PDE8B: variants seen among roughly 807,000 people sequenced by gnomAD.
PDE8B encodes the protein phosphodiesterase 8B.
PDE8B carries 26 observed loss-of-function variants against 101.3 expected under a neutral mutation model. The ratio of observed to expected loss-of-function variants is 0.26; its 90% CI spans 0.19 to 0.36. PDE8B has a LOEUF of 0.36. PDE8B is among the 10% of genes least tolerant of loss of function. The probability of loss-of-function intolerance (pLI) is 1.00; values close to 1 mark genes in which losing one functional copy is unlikely to be tolerated. For missense variants in PDE8B, 810 were observed against 1,163.1 expected (o/e 0.70, Z 4.42); for synonymous variants, 424 against 429.3 (o/e 0.99, Z 0.15).
intron 1 of PDE8B, among the ~76,000 whole-genome samples, chr5:77,233,654 C>CTGTGTGTGTGTGTGTG (rs72346580): frequency 2.7e-4 from 37 of 138,338 alleles, no homozygotes; most frequent in African/African-American, 8.9e-4. Context: ...CCCTGAAGCT[C>CTGTGTGTGTGTGTGTG]TGTGTGTGTG....
the PDE8B span, among the ~76,000 whole-genome samples, chr5:77,124,362 G>T: frequency 1.3e-5 from 2 of 152,124 alleles, no homozygotes; most frequent in Non-Finnish European, 2.9e-5. Context: ...GGCTGAGGCG[G>T]GTGGATTGCT....
chr5:77,137,093 A>G, the PDE8B span, among the ~76,000 whole-genome samples: 1 of 152,192 alleles, frequency 6.6e-6, no homozygotes, highest in Non-Finnish European at 1.5e-5. Flanking sequence ...CTAAGGCCAG[A>G]GTCCTCTAGT....
the PDE8B span, among the ~76,000 whole-genome samples, chr5:77,094,709 A>T: frequency 1.1e-3 from 165 of 152,312 alleles, 1 homozygote; most frequent in African/African-American, 3.8e-3. Context: ...TGGTGTCAGC[A>T]TCTGCTTCTG....
chr5:77,402,286 C>G (rs1792448460), intron 11 of PDE8B, among the ~76,000 whole-genome samples: 1 of 151,248 alleles, frequency 6.6e-6, no homozygotes, highest in Non-Finnish European at 1.5e-5. Context: ...AACTTATATG[C>G]AAGGATAGGT....
At chr5:77,165,208 C>A in the PDE8B span, among the ~76,000 whole-genome samples, 4 of 152,054 alleles carry the variant, frequency 2.6e-5, no homozygotes, top group Non-Finnish European at 4.4e-5. Flanking sequence ...TAAGAGAAAG[C>A]GTAATAAAAT....
intron 10 of PDE8B, among the ~76,000 whole-genome samples, chr5:77,360,877 C>G (rs1186288498): frequency 6.6e-6 from 1 of 152,182 alleles, no homozygotes; most frequent in Non-Finnish European, 1.5e-5. Context: ...TACAGAGCCT[C>G]ATGACCACTC....
rs113402084 is a variant in PDE8B at position 77,240,708 on chromosome 5, C to A, written c.339+29444C>A. 3.8e-3 allele frequency among the ~76,000 whole-genome samples: 576 copies of A among 152,260 alleles called. 2 individuals carry two copies. The highest frequency in any genetic ancestry group is 0.013 in the African/African-American group (547 of 41,548). On this transcript the variant is annotated intron_variant, in intron 1 of 21. Transcript: ENST00000264917. ...CACATTCAAATTGAAATTAACTAAG[C>A]TGACAATTATTCAGTACCCATTTTA...
intron 1 of PDE8B, among the ~76,000 whole-genome samples, chr5:77,234,522 G>A (rs904087848): frequency 1.3e-5 from 2 of 152,104 alleles, no homozygotes; most frequent in African/African-American, 4.8e-5. Flanking sequence ...GGACTTTACC[G>A]AACCTCAGAG....
chr5:77,409,187 G>A (rs763797311), intron 14 of PDE8B, 130 bp downstream of exon 14: 6 of 748,834 alleles, frequency 8.0e-6, no homozygotes, highest in Non-Finnish European at 1.2e-5. Flanking sequence ...ATAACCAGAA[G>A]CAACTGCGTC....
At chr5:77,399,528 A>T (rs1216798562) in intron 10 of PDE8B, among the ~76,000 whole-genome samples, 1 of 152,276 alleles carries the variant, frequency 6.6e-6, no homozygotes, top group Non-Finnish European at 1.5e-5. Flanking sequence ...CCGCATGATT[A>T]TAAGTTTAAT....
At chr5:77,225,918 G>A (rs896417818) in intron 1 of PDE8B, among the ~76,000 whole-genome samples, 1 of 150,856 alleles carries the variant, frequency 6.6e-6, no homozygotes, top group South Asian at 2.1e-4. Flanking sequence ...TGATCAACAC[G>A]ACTTCATGAT....
intron 11 of PDE8B, among the ~76,000 whole-genome samples, chr5:77,404,090 C>A (rs533557266): frequency 6.6e-6 from 1 of 152,190 alleles, no homozygotes; most frequent in Non-Finnish European, 1.5e-5. Flanking sequence ...TGGGTTCAAG[C>A]GAGTCTCCTG....
At chr5:77,116,228 T>A in the PDE8B span, among the ~76,000 whole-genome samples, 113 of 27,382 alleles carry the variant, frequency 4.1e-3, no homozygotes, top group South Asian at 0.027. Flanking sequence ...ATATATATTT[T>A]TTTTTTTTTT....
chr5:77,268,820 AC>A (rs2149757801), intron 1 of PDE8B, among the ~76,000 whole-genome samples: 1 of 150,854 alleles, frequency 6.6e-6, no homozygotes, highest in Non-Finnish European at 1.5e-5. Flanking sequence ...CTATCCATCA[AC>A]AGATGATTGG....
intron 10 of PDE8B, among the ~76,000 whole-genome samples, chr5:77,381,612 G>C (rs930511737): frequency 4.0e-5 from 6 of 150,628 alleles, no homozygotes; most frequent in Admixed American, 1.3e-4. Context: ...TTTATTTTTT[G>C]TTTTTGTTTT....
At chr5:77,104,910 G>C in the PDE8B span, 4 of 152,136 alleles carry the variant, frequency 2.6e-5, no homozygotes, top group Non-Finnish European at 5.9e-5. Context: ...TCAAGACACA[G>C]AATGTTTTCA....
At chr5:77,178,177 T>C in the PDE8B span, among the ~76,000 whole-genome samples, 8,114 of 152,324 alleles carry the variant, frequency 0.053, 555 homozygotes, top group African/African-American at 0.16. Flanking sequence ...TTTTCTTTTA[T>C]AGATAGAAGA....
the PDE8B span, among the ~76,000 whole-genome samples, chr5:77,127,344 C>A: frequency 6.6e-6 from 1 of 152,140 alleles, no homozygotes; most frequent in Non-Finnish European, 1.5e-5. Flanking sequence ...ATTTTATAAG[C>A]ATCCAGCATT....
intron 1 of PDE8B, among the ~76,000 whole-genome samples, chr5:77,307,362 A>C (rs1175933975): frequency 6.6e-6 from 1 of 152,116 alleles, no homozygotes. Context: ...CCTCTTTCTC[A>C]ACTTCAAAGT....
Sources: allele counts gnomAD v4.1 joint callset (sites outside exome capture counted in the v4.1 genomes callset), GRCh38; gene constraint gnomAD v4.1.1; transcripts MANE v1.5; gene names NCBI Gene and HGNC (gene_info 2026-07-23, HGNC 2026-07-21).